The following YES1 variants were observed in gnomAD, a reference collection of about 807,000 sequenced individuals.
YES1 encodes tyrosine-protein kinase Yes.
In YES1, 39 loss-of-function variants were observed where a neutral mutation model predicts 70.4. That is an observed-to-expected ratio of 0.55 (90% CI 0.43 to 0.72). The LOEUF (loss-of-function observed/expected upper bound fraction) is 0.72, where lower values mean the gene tolerates loss of function less well. Ranked by LOEUF, YES1 falls within the 30% of genes least tolerant of loss-of-function variation. The pLI, the probability that YES1 is intolerant of heterozygous loss-of-function variation, is 0.00. For missense variants in YES1, 495 were observed against 644.8 expected, an observed-to-expected ratio of 0.77 and a Z score of 2.52; for synonymous variants, 198 against 218.6, an observed-to-expected ratio of 0.91 and a Z score of 0.83.
rs1392266196 is a variant in YES1 at position 744,060 on chromosome 18, C to G, written c.725-645G>C. 4.0e-5 allele frequency among the ~76,000 whole-genome samples: 6 copies of G among 149,478 alleles called. No homozygotes were observed. In the South Asian group the frequency reaches 1.3e-3, roughly 31 times the overall value. On this transcript the variant is annotated intron_variant, in intron 6 of 11. Coordinates refer to ENST00000314574, the MANE Select transcript of YES1 (RefSeq NM_005433.4). ...TATATTTACTAAATACTTAGTATAA[C>G]TTAAAATATATATTTTTTTAAGTTA... is the stretch of plus-strand genomic sequence containing the variant.
chr18:785,657 A>G (rs1192449710), intron 1 of YES1, among the ~76,000 whole-genome samples: 2 of 152,052 alleles, frequency 1.3e-5, no homozygotes, highest in Non-Finnish European at 2.9e-5. Context: ...TAAGATGTAA[A>G]TAGGTTATGA....
chr18:800,090 T>C (rs1040003970), intron 1 of YES1, among the ~76,000 whole-genome samples: 25 of 152,224 alleles, frequency 1.6e-4, no homozygotes, highest in African/African-American at 6.0e-4. Flanking sequence ...GAATGCTTAT[T>C]TGAAATTCAT....
At chr18:756,863 G>T in intron 1 of YES1, 28 bp from the exon 2 acceptor site, 1 of 1,591,434 alleles carries the variant, frequency 6.3e-7, no homozygotes, top group Non-Finnish European at 8.6e-7. Context: ...TATTTTGAGA[G>T]TCAGTTAACA....
At chr18:801,888 G>A (rs576556789) in intron 1 of YES1, among the ~76,000 whole-genome samples, 3 of 152,178 alleles carry the variant, frequency 2.0e-5, no homozygotes, top group African/African-American at 4.8e-5. Context: ...TTAATCTGGC[G>A]GAACAAACAC....
intron 1 of YES1, among the ~76,000 whole-genome samples, chr18:757,560 C>T (rs1904357349): frequency 6.7e-6 from 1 of 149,874 alleles, no homozygotes; most frequent in Non-Finnish European, 1.5e-5. Flanking sequence ...GTGGCTCACA[C>T]CTGTAATTGT....
intron 1 of YES1, among the ~76,000 whole-genome samples, chr18:800,697 A>G (rs1906775690): frequency 6.6e-6 from 1 of 152,206 alleles, no homozygotes; most frequent in Admixed American, 6.5e-5. Flanking sequence ...GTGGCAAATA[A>G]AATTTCCATT....
chr18:804,787 G>A (rs1261194197), intron 1 of YES1, among the ~76,000 whole-genome samples: 7 of 149,642 alleles, frequency 4.7e-5, no homozygotes, highest in South Asian at 2.1e-4. Context: ...GGTGGCACAC[G>A]CCTGTAATCC....
chr18:809,545 C>T (rs921951275), intron 1 of YES1, among the ~76,000 whole-genome samples: 1 of 152,182 alleles, frequency 6.6e-6, no homozygotes, highest in Non-Finnish European at 1.5e-5. Context: ...AAGTGATCCC[C>T]TTCCCTCTGC....
In YES1 at chr18:768,167, G is replaced by A. The variant is rs1416364200; in HGVS notation, c.-8-11332C>T. On this transcript the variant is annotated intron_variant, in intron 1 of 11. Coordinates refer to ENST00000314574, the MANE Select transcript of YES1 (RefSeq NM_005433.4). ...AGACAATACGCACAACACACTAAGT[G>A]TGGCAATGTTAAAAAACCATTTCCA... Among the ~76,000 whole-genome samples the A allele has an allele frequency of 2.0e-5, 3 of 152,326 alleles. No individual in the cohort carries two copies. In the East Asian group the frequency reaches 5.8e-4, roughly 29 times the overall value.
At chr18:784,623 C>A (rs1905843757) in intron 1 of YES1, among the ~76,000 whole-genome samples, 1 of 152,220 alleles carries the variant, frequency 6.6e-6, no homozygotes, top group African/African-American at 2.4e-5. Context: ...AAAATCAGTT[C>A]TTGCCCTTTC....
intron 1 of YES1, among the ~76,000 whole-genome samples, chr18:789,286 T>C (rs1326711282): frequency 6.6e-6 from 1 of 152,064 alleles, no homozygotes; most frequent in East Asian, 1.9e-4. Context: ...CCCACAATTA[T>C]AAAAGAACAA....
intron 2 of YES1, among the ~76,000 whole-genome samples, chr18:755,425 T>C (rs181456250): frequency 6.6e-6 from 1 of 152,152 alleles, no homozygotes; most frequent in Non-Finnish European, 1.5e-5. Flanking sequence ...ATTTTTTTTG[T>C]ATTTTTAGTT....
chr18:764,502 G>A (rs539492402), intron 1 of YES1, among the ~76,000 whole-genome samples: 6 of 152,258 alleles, frequency 3.9e-5, no homozygotes, highest in South Asian at 2.1e-4. Flanking sequence ...GATTACAGGC[G>A]TGAGCCACCG....
At chr18:799,831 G>A (rs1275335805) in intron 1 of YES1, among the ~76,000 whole-genome samples, 2 of 152,072 alleles carry the variant, frequency 1.3e-5, no homozygotes, top group Admixed American at 1.3e-4. Flanking sequence ...AACCCAGGAG[G>A]CAGAGATCAT....
chr18:737,087 C>T, intron 9 of YES1, 126 bp from the exon 10 acceptor site: 1 of 785,852 alleles, frequency 1.3e-6, no homozygotes, highest in Admixed American at 2.9e-5. Flanking sequence ...ATGATGGTAA[C>T]AGGGTATAGT....
intron 9 of YES1, 166 bp from the exon 10 acceptor site, chr18:737,127 TA>T (rs2080163268): frequency 3.3e-6 from 2 of 600,342 alleles, no homozygotes; most frequent in Admixed American, 7.0e-5. Context: ...CCAGAAAACA[TA>T]ATAAAAATGC....
chr18:812,447 G>A (rs963849225), upstream of YES1: 1 of 151,296 alleles, frequency 6.6e-6, no homozygotes, highest in South Asian at 2.1e-4. Context: ...GGGGCCCCCA[G>A]CCTTCCGGCG....
chr18:737,208 T>C (rs1187399988), intron 9 of YES1: 2 of 322,664 alleles, frequency 6.2e-6, no homozygotes, highest in African/African-American at 4.3e-5. Flanking sequence ...ATCCCATTAA[T>C]TTGGGAGGCC....
chr18:766,178 C>A (rs577893431), intron 1 of YES1, among the ~76,000 whole-genome samples: 1 of 152,144 alleles, frequency 6.6e-6, no homozygotes, highest in Non-Finnish European at 1.5e-5. Flanking sequence ...TCCAGCCCTA[C>A]GTAGTAAATA....
Sources: allele counts gnomAD v4.1 joint callset (sites outside exome capture counted in the v4.1 genomes callset), GRCh38; gene constraint gnomAD v4.1.1; transcripts MANE v1.5; gene names NCBI Gene and HGNC (gene_info 2026-07-23, HGNC 2026-07-21).